STARD8: variants seen among roughly 807,000 people sequenced by gnomAD.
STARD8 encodes stAR-related lipid transfer protein 8.
STARD8 carries 25 observed loss-of-function variants against 69.4 expected under a neutral mutation model. That is an observed-to-expected ratio of 0.36 (90% CI 0.26 to 0.50). The LOEUF is 0.50. Among genes scored for constraint, STARD8 ranks in the 20% least tolerant of loss-of-function variants. The pLI, the probability that STARD8 is intolerant of heterozygous loss-of-function variation, is 0.96. For missense variants in STARD8, 921 were observed against 932.5 expected (o/e 0.99, Z 0.16); for synonymous variants, 389 against 374.6 (o/e 1.04, Z -0.45).
chrX:68,695,208 GAGA>G (rs1322297813), intron 2 of STARD8, among the ~76,000 whole-genome samples: 1 of 110,095 alleles, frequency 9.1e-6, no homozygotes, highest in African/African-American at 3.3e-5. Context: ...CAAAGGCATG[GAGA>G]AGAAGGCTGC....
Position 68,647,831 on chromosome X carries a change from A to G in STARD8, c.-52A>G. On this transcript the variant is annotated 5_prime_UTR_variant, in exon 1 of 15. Coordinates refer to ENST00000374599, the MANE Select transcript of STARD8 (RefSeq NM_001142503.3). ...TTAGCCTCGTCCCCAGAGAGGGAGG[A>G]GCCGGTGCCCGGCACAGCCCCGCCG... The G allele has an allele frequency of 3.4e-6, 4 of 1,171,177 alleles. No individual in the cohort carries two copies. Among genetic ancestry groups the G allele is most frequent in the Non-Finnish European group, 4.6e-6 (4 of 873,284 alleles).
intron 2 of STARD8, among the ~76,000 whole-genome samples, chrX:68,674,892 C>T (rs1264965987): frequency 2.8e-5 from 3 of 108,708 alleles, no homozygotes; most frequent in African/African-American, 6.7e-5. Flanking sequence ...AGTTGATTCT[C>T]CCACCTTAGC....
At chrX:68,705,607 G>C (rs981108801) in intron 2 of STARD8, among the ~76,000 whole-genome samples, 1 of 112,826 alleles carries the variant, frequency 8.9e-6, no homozygotes, top group Admixed American at 9.3e-5. Context: ...AGGACATCCT[G>C]GGGGGAGGGT....
At chrX:68,682,770 G>C (rs2079808674) in intron 2 of STARD8, among the ~76,000 whole-genome samples, 1 of 112,719 alleles carries the variant, frequency 8.9e-6, no homozygotes, top group Non-Finnish European at 1.9e-5. Flanking sequence ...TGAGAGAGAA[G>C]TGCACATGTA....
chrX:68,721,855 A>G, intron 10 of STARD8, 109 bp downstream of exon 10: 1 of 881,646 alleles, frequency 1.1e-6, no homozygotes, highest in Non-Finnish European at 1.6e-6. Flanking sequence ...CCTCACCACA[A>G]GGAGTGAGCC....
intron 5 of STARD8, among the ~76,000 whole-genome samples, 198 bp from the exon 6 acceptor site, chrX:68,717,014 A>G (rs2080096758): frequency 9.0e-6 from 1 of 111,366 alleles, no homozygotes; most frequent in Admixed American, 9.5e-5. Context: ...CCATTACCAT[A>G]CATCTGGGCT....
In STARD8 at chrX:68,718,209, T is replaced by C. The variant is rs780520527; in HGVS notation, c.1295T>C (p.Val432Ala). 2.5e-6 allele frequency: 3 copies of C among 1,210,941 alleles called. No homozygotes were observed. The African/African-American group carries it at 5.2e-5, about 21-fold the overall frequency. ...ACTTCATCAGTAGAAATAGCCACAG[T>C]TGAGGTCAAATGCCAAGCTGAGGCT... ...EATSSVEIAT[V>A]EVKCQAEALS... The change falls in exon 6 of 15, where the codon GTT becomes GCT. Residue 432 changes from valine (V) to alanine (A), a missense_variant. By Grantham distance (64) the Val-to-Ala change is moderately conservative (BLOSUM62 0). Transcript: ENST00000374599.
intron 2 of STARD8, among the ~76,000 whole-genome samples, chrX:68,695,059 C>T (rs982712121): frequency 8.6e-4 from 95 of 110,861 alleles, no homozygotes; most frequent in African/African-American, 2.9e-3. Context: ...CGACCTGCTC[C>T]CTCCCCACTC....
chrX:68,705,254 G>A (rs1432817501), intron 2 of STARD8, among the ~76,000 whole-genome samples: 1 of 111,922 alleles, frequency 8.9e-6, no homozygotes, highest in African/African-American at 3.2e-5. Context: ...AATGTTAGCT[G>A]TCTACTTTGG....
intron 2 of STARD8, among the ~76,000 whole-genome samples, chrX:68,682,909 C>T (rs6625361): frequency 8.9e-6 from 1 of 112,027 alleles, no homozygotes; most frequent in African/African-American, 3.2e-5. Flanking sequence ...GCAACCATTT[C>T]TAAAGCTAGA....
intron 2 of STARD8, among the ~76,000 whole-genome samples, chrX:68,701,867 A>C (rs2079969002): frequency 8.9e-6 from 1 of 111,895 alleles, no homozygotes; most frequent in African/African-American, 3.3e-5. Context: ...GGCTGGCAGG[A>C]GGCTGGCTGG....
chrX:68,665,132 A>G (rs1397016419), intron 1 of STARD8, among the ~76,000 whole-genome samples: 1 of 112,239 alleles, frequency 8.9e-6, no homozygotes, highest in Non-Finnish European at 1.9e-5. Context: ...CAAGGATGGT[A>G]TGTGCCAAGC....
Position 68,718,520 on chromosome X carries a change from A to G in STARD8, c.1606A>G (p.Asn536Asp). 1 of 1,212,114 alleles carries G rather than the reference A, an allele frequency of 8.3e-7. No homozygotes were observed. The highest frequency in any genetic ancestry group is 2.3e-4 in the Middle Eastern group (1 of 4,353). Residue 536 changes from asparagine to aspartate, a missense_variant, in exon 6 of 15, where the codon AAC becomes GAC. By Grantham distance (23) the Asn-to-Asp change is conservative. Coordinates refer to ENST00000374599, the MANE Select transcript of STARD8 (RefSeq NM_001142503.3). Reference protein sequence around the residue: ...ASSSELDSSGNSMNEAEAAGP... With the variant: ...ASSSELDSSGDSMNEAEAAGP... ...CTCCAGCGAACTTGACAGTAGTGGGAACTCCATGAATGAGGCTGAGGCTGC... is the reference window on the plus strand; with the variant it reads ...CTCCAGCGAACTTGACAGTAGTGGGGACTCCATGAATGAGGCTGAGGCTGC...
At chrX:68,663,922 GAGGA>G (rs2079666341) in intron 1 of STARD8, among the ~76,000 whole-genome samples, 1 of 111,778 alleles carries the variant, frequency 8.9e-6, no homozygotes, top group Non-Finnish European at 1.9e-5. Flanking sequence ...GAACACTCGG[GAGGA>G]CATCCCCCAT....
intron 2 of STARD8, among the ~76,000 whole-genome samples, chrX:68,692,432 C>G (rs1180260339): frequency 8.9e-6 from 1 of 111,945 alleles, no homozygotes. Context: ...GAGAGGGGCA[C>G]TTGGGGCTGG....
chrX:68,717,128 A>G lies in STARD8; in HGVS notation c.298-84A>G, dbSNP rs73531942. The stretch of plus-strand genomic sequence containing the variant: ...AGGGCCCTTCACCTCAGAGTCCCCC[A>G]AGAGTTTGGAAGCAGAGAGTGGAGT... On this transcript the variant is annotated intron_variant, in intron 5 of 14. Transcript: ENST00000374599. 0.022 allele frequency: 24,127 copies of G among 1,084,266 alleles called. 2,864 individuals are homozygous for G. In the African/African-American group the frequency reaches 0.37, roughly 17 times the overall value. The allele number at this position is 1,084,266 out of a possible 1,213,427, so 89.4% of individuals were successfully genotyped here.
chrX:68,701,391 A>C (rs1187828953), intron 2 of STARD8, among the ~76,000 whole-genome samples: 1 of 112,743 alleles, frequency 8.9e-6, no homozygotes, highest in African/African-American at 3.2e-5. Flanking sequence ...GACATCTTTA[A>C]TGACTGGGCC....
At chrX:68,712,853 T>C in intron 2 of STARD8, 61 bp from the exon 3 acceptor site, 3 of 1,097,991 alleles carry the variant, frequency 2.7e-6, no homozygotes, top group Non-Finnish European at 2.5e-6. Context: ...CCTAGGGCCC[T>C]GGTGTCAGCA....
chrX:68,690,622 C>T (rs138702547), intron 2 of STARD8, among the ~76,000 whole-genome samples: 12 of 112,341 alleles, frequency 1.1e-4, no homozygotes, highest in South Asian at 3.7e-4. Context: ...CAGTCCTTTA[C>T]AGTATACTTT....
Sources: gnomAD v4.1 joint callset for allele counts (sites outside exome capture counted in the v4.1 genomes callset) on GRCh38, gnomAD v4.1.1 for gene constraint, MANE v1.5 for transcripts, NCBI Gene and HGNC (gene_info 2026-07-23, HGNC 2026-07-21) for gene names.